NALF1: variants seen among roughly 807,000 people sequenced by gnomAD.
NALF1 encodes family with sequence similarity 155 member A.
Under a neutral mutation model 48.4 loss-of-function variants are expected in NALF1, and 3 were observed. The observed-to-expected ratio is 0.06, with a 90% CI of 0.03 to 0.16. The LOEUF (loss-of-function observed/expected upper bound fraction) is 0.16, where lower values mean the gene tolerates loss of function less well. Ranked by LOEUF, NALF1 falls within the 10% of genes least tolerant of loss-of-function variation. NALF1 has a pLI of 1.00. For synonymous variants in NALF1, 262 were observed against 245.7 expected, an observed-to-expected ratio of 1.07 and a Z score of -0.62; for missense variants, 526 against 571.5, an observed-to-expected ratio of 0.92 and a Z score of 0.81.
At chr13:107,335,208 C>A (rs1167838047) in intron 1 of NALF1, among the ~76,000 whole-genome samples, 1 of 152,094 alleles carries the variant, frequency 6.6e-6, no homozygotes, top group Non-Finnish European at 1.5e-5. Flanking sequence ...GAACTAGGCA[C>A]CAATTTCCAT....
At chr13:107,401,658 A>G (rs1011230516) in intron 1 of NALF1, among the ~76,000 whole-genome samples, 9 of 151,678 alleles carry the variant, frequency 5.9e-5, no homozygotes, top group Non-Finnish European at 1.3e-4. Context: ...CCATTTATAA[A>G]TTATTCTCAC....
At chr13:107,546,935 C>T (rs1192061076) in intron 1 of NALF1, among the ~76,000 whole-genome samples, 2 of 152,138 alleles carry the variant, frequency 1.3e-5, no homozygotes, top group South Asian at 4.1e-4. Context: ...GTATTCTAAA[C>T]CCAACTCAAC....
chr13:107,754,726 C>T (rs1444765038), intron 1 of NALF1, among the ~76,000 whole-genome samples: 2 of 152,118 alleles, frequency 1.3e-5, no homozygotes, highest in African/African-American at 4.8e-5. Flanking sequence ...TGTAAGATCA[C>T]ATAATTTTGT....
In NALF1 at chr13:107,604,985, T is replaced by C. The variant is rs184671712; in HGVS notation, c.915+260697A>G. On this transcript the variant is annotated intron_variant, in intron 1 of 2. Coordinates refer to ENST00000375915, the MANE Select transcript of NALF1 (RefSeq NM_001080396.3). ...TGCATCTTCTCATTACAAGAAAGTA[T>C]ACTCCAAACTTGATACAGTATGTTT... 2.0e-4 allele frequency among the ~76,000 whole-genome samples: 30 copies of C among 152,318 alleles called. No individual in the cohort carries two copies. The East Asian group carries it at 5.2e-3, about 26-fold the overall frequency.
At chr13:107,808,763 C>T (rs573071650) in intron 1 of NALF1, among the ~76,000 whole-genome samples, 12 of 152,008 alleles carry the variant, frequency 7.9e-5, no homozygotes, top group African/African-American at 2.7e-4. Context: ...GTTTACTTCC[C>T]GATATCTCAC....
intron 1 of NALF1, among the ~76,000 whole-genome samples, chr13:107,276,938 C>CA: frequency 6.6e-6 from 1 of 151,776 alleles, no homozygotes; most frequent in Non-Finnish European, 1.5e-5. Flanking sequence ...TCATTAAAAA[C>CA]AAAAAAAGAG....
At chr13:107,211,948 C>A (rs1879770963) in intron 1 of NALF1, among the ~76,000 whole-genome samples, 1 of 152,086 alleles carries the variant, frequency 6.6e-6, no homozygotes, top group Admixed American at 6.5e-5. Flanking sequence ...AGTAATAGTA[C>A]TATTAGGTAA....
chr13:107,524,265 T>C (rs1535715), intron 1 of NALF1, among the ~76,000 whole-genome samples: 148,357 of 152,158 alleles, frequency 0.98, 72,443 homozygotes, highest in East Asian at 1. Flanking sequence ...TTGAAGATGT[T>C]GGAAAAGTCA....
At chr13:107,709,094 T>C (rs1875492233) in intron 1 of NALF1, among the ~76,000 whole-genome samples, 1 of 152,214 alleles carries the variant, frequency 6.6e-6, no homozygotes, top group African/African-American at 2.4e-5. Flanking sequence ...AGTGTTGTCA[T>C]ACTTTAGAGT....
At chr13:107,499,587 C>T (rs1875449446) in intron 1 of NALF1, among the ~76,000 whole-genome samples, 1 of 152,120 alleles carries the variant, frequency 6.6e-6, no homozygotes. Context: ...GGTTATATAC[C>T]ACACACATGA....
intron 1 of NALF1, among the ~76,000 whole-genome samples, chr13:107,782,540 T>G (rs1410102862): frequency 6.6e-6 from 1 of 150,612 alleles, no homozygotes; most frequent in Non-Finnish European, 1.5e-5. Context: ...GGAGCCCCTC[T>G]GCCTGGCTGC....
chr13:107,509,380 C>T (rs1463066920), intron 1 of NALF1, among the ~76,000 whole-genome samples: 2 of 152,046 alleles, frequency 1.3e-5, no homozygotes, highest in South Asian at 2.1e-4. Context: ...ACTACGAAAC[C>T]GTTGTCTAGG....
intron 1 of NALF1, among the ~76,000 whole-genome samples, chr13:107,596,980 C>T (rs987224492): frequency 6.6e-6 from 1 of 152,122 alleles, no homozygotes; most frequent in Non-Finnish European, 1.5e-5. Flanking sequence ...CTTAAAAACA[C>T]AATGATGATT....
intron 1 of NALF1, among the ~76,000 whole-genome samples, chr13:107,799,944 T>C (rs1008612635): frequency 1.3e-5 from 2 of 151,884 alleles, no homozygotes; most frequent in South Asian, 2.1e-4. Context: ...GCAAAATGGA[T>C]TGAAGAAAGC....
At chr13:107,391,204 T>A (rs1489447989) in intron 1 of NALF1, among the ~76,000 whole-genome samples, 2 of 152,040 alleles carry the variant, frequency 1.3e-5, no homozygotes, top group African/African-American at 2.4e-5. Context: ...AAGCACCTCC[T>A]CCTTCTCAGA....
At chr13:107,460,071 G>A (rs963241951) in intron 1 of NALF1, among the ~76,000 whole-genome samples, 3 of 152,152 alleles carry the variant, frequency 2.0e-5, no homozygotes, top group African/African-American at 7.2e-5. Flanking sequence ...CATTCTTTCT[G>A]TGCATGTGAA....
chr13:107,348,995 G>A (rs191731928), intron 1 of NALF1, among the ~76,000 whole-genome samples: 105 of 152,144 alleles, frequency 6.9e-4, no homozygotes, highest in African/African-American at 2.3e-3. Flanking sequence ...TTTGGCAAAT[G>A]AGAAATCAAG....
intron 2 of NALF1, among the ~76,000 whole-genome samples, chr13:107,191,505 T>G (rs1879279609): frequency 6.6e-6 from 1 of 152,130 alleles, no homozygotes; most frequent in East Asian, 1.9e-4. Context: ...GAGAAAATTT[T>G]TAAAAAATGT....
intron 1 of NALF1, among the ~76,000 whole-genome samples, chr13:107,254,062 A>AAAAAAAAAAAAAATAT: frequency 1.4e-5 from 2 of 138,582 alleles, no homozygotes; most frequent in Non-Finnish European, 3.2e-5. Context: ...CAAGTACTAA[A>AAAAAAAAAAAAAATAT]ATATATATAT....
Sources: gnomAD v4.1 joint callset for allele counts (sites outside exome capture counted in the v4.1 genomes callset) on GRCh38, gnomAD v4.1.1 for gene constraint, MANE v1.5 for transcripts, NCBI Gene and HGNC (gene_info 2026-07-23, HGNC 2026-07-21) for gene names.